FOCAD: variants seen among roughly 807,000 people sequenced by gnomAD.
The protein encoded by FOCAD is KIAA1797.
In FOCAD, 198 loss-of-function variants were observed where a neutral mutation model predicts 225.6. That is an observed-to-expected ratio of 0.88 (90% confidence interval 0.78 to 0.99). FOCAD has a LOEUF of 0.99. Among genes scored for constraint, FOCAD ranks in the 50% least tolerant of loss-of-function variants. The probability of loss-of-function intolerance (pLI) is 0.00; values close to 1 mark genes in which losing one functional copy is unlikely to be tolerated. For synonymous variants in FOCAD, 897 were observed against 755.0 expected (o/e 1.19, Z -3.08); for missense variants, 2,713 against 2,123.6 (o/e 1.28, Z -5.46).
chr9:20,839,985 T>G (rs1455983102), intron 15 of FOCAD, among the ~76,000 whole-genome samples: 1 of 152,158 alleles, frequency 6.6e-6, no homozygotes, highest in Admixed American at 6.6e-5. Context: ...TATGGATTTA[T>G]GTCTGGCTAC....
In FOCAD at chr9:20,882,062, G is replaced by A; in HGVS notation, c.2503+6G>A. The A allele has an allele frequency of 1.9e-6, 3 of 1,600,806 alleles. No homozygotes were observed. Among genetic ancestry groups the A allele is most frequent in the Non-Finnish European group, 2.6e-6 (3 of 1,175,384 alleles). On this transcript the variant is annotated splice_donor_region_variant and intron_variant, in intron 20 of 43. Coordinates refer to ENST00000338382, the MANE Select transcript of FOCAD (RefSeq NM_001375567.1). Reference sequence around the variant, plus strand: ...ACTGAAACCTGGCCTTGCAGGTAAGGGTAGTACATAGTATCAAAAATACAG... The same window carrying A: ...ACTGAAACCTGGCCTTGCAGGTAAGAGTAGTACATAGTATCAAAAATACAG...
chr9:20,896,947 A>T (rs555508970), intron 21 of FOCAD: 1 of 151,738 alleles, frequency 6.6e-6, no homozygotes. Context: ...CTGTGTCTTT[A>T]CTGCTTTTCT....
intron 35 of FOCAD, among the ~76,000 whole-genome samples, chr9:20,974,805 C>G (rs934431948): frequency 1.3e-5 from 2 of 151,454 alleles, no homozygotes; most frequent in African/African-American, 4.9e-5. Context: ...TCTCCTTTTT[C>G]CTGTGCTTCT....
intron 4 of FOCAD, among the ~76,000 whole-genome samples, chr9:20,722,042 C>T (rs1256992808): frequency 7.7e-6 from 1 of 129,366 alleles, no homozygotes; most frequent in African/African-American, 3.0e-5. Context: ...CTCCCTCTCT[C>T]TCTCTTTCTC....
intron 11 of FOCAD, 85 bp downstream of exon 11, chr9:20,789,693 G>T: frequency 2.0e-6 from 3 of 1,498,748 alleles, no homozygotes; most frequent in Non-Finnish European, 2.7e-6. Context: ...TGGATTATTT[G>T]CATCAGAGTT....
intron 4 of FOCAD, among the ~76,000 whole-genome samples, chr9:20,728,071 T>C (rs533549093): frequency 6.6e-6 from 1 of 152,336 alleles, no homozygotes; most frequent in South Asian, 2.1e-4. Context: ...TTATGCCATA[T>C]TAACCTAGCA....
upstream of FOCAD, among the ~76,000 whole-genome samples, chr9:20,656,822 G>A (rs1821495242): frequency 6.6e-6 from 1 of 152,132 alleles, no homozygotes. Context: ...CTGTCATTAT[G>A]ATGTTAGGTG....
chr9:20,693,355 C>A (rs1465228848), intron 1 of FOCAD, among the ~76,000 whole-genome samples: 1 of 152,142 alleles, frequency 6.6e-6, no homozygotes, highest in Admixed American at 6.6e-5. Context: ...CCTGACCATC[C>A]TTTTAAAAAT....
At chr9:20,858,367 T>A (rs1461717672) in intron 15 of FOCAD, among the ~76,000 whole-genome samples, 4 of 152,178 alleles carry the variant, frequency 2.6e-5, no homozygotes, top group Non-Finnish European at 5.9e-5. Flanking sequence ...GGTTTTCCAA[T>A]TTATTGTCGA....
intron 5 of FOCAD, among the ~76,000 whole-genome samples, chr9:20,754,831 G>C (rs936027915): frequency 1.6e-4 from 25 of 152,120 alleles, no homozygotes; most frequent in African/African-American, 5.8e-4. Context: ...GTAGTGGTAA[G>C]ACTGAGAAAC....
chr9:20,848,389 G>A (rs1003182021), intron 15 of FOCAD, among the ~76,000 whole-genome samples: 5 of 152,004 alleles, frequency 3.3e-5, no homozygotes, highest in African/African-American at 9.7e-5. Flanking sequence ...AGTCAATAAC[G>A]TAGGTCAGGT....
intron 1 of FOCAD, among the ~76,000 whole-genome samples, chr9:20,686,243 G>A (rs1384789029): frequency 1.3e-5 from 2 of 152,118 alleles, no homozygotes; most frequent in Non-Finnish European, 2.9e-5. Flanking sequence ...TGCAACCTCC[G>A]CCTCCCAGGT....
intron 17 of FOCAD, 74 bp downstream of exon 17, chr9:20,866,050 C>A: frequency 2.4e-6 from 3 of 1,266,792 alleles, no homozygotes; most frequent in South Asian, 1.4e-5. Context: ...AAATAAGACT[C>A]TTAGGATAAA....
At chr9:20,825,095 A>G (rs1455396825) in intron 15 of FOCAD, among the ~76,000 whole-genome samples, 1 of 150,602 alleles carries the variant, frequency 6.6e-6, no homozygotes, top group Non-Finnish European at 1.5e-5. Flanking sequence ...TTGAGGCTTG[A>G]TGATGGTAGT....
intron 15 of FOCAD, among the ~76,000 whole-genome samples, chr9:20,844,429 C>T (rs143516164): frequency 0.013 from 1,616 of 122,702 alleles, 29 homozygotes; most frequent in African/African-American, 0.047. Flanking sequence ...GGTGTGATCT[C>T]GGCTCACTGC....
intron 4 of FOCAD, among the ~76,000 whole-genome samples, chr9:20,735,160 A>G (rs1438289986): frequency 6.6e-6 from 1 of 151,776 alleles, no homozygotes; most frequent in African/African-American, 2.4e-5. Context: ...CTATTTTATG[A>G]TCTGCTTTAT....
intron 15 of FOCAD, among the ~76,000 whole-genome samples, chr9:20,827,460 C>T (rs1825017333): frequency 6.6e-6 from 1 of 151,866 alleles, no homozygotes; most frequent in South Asian, 2.1e-4. Context: ...GGACATTTGC[C>T]ACTAACAGAC....
chr9:20,760,553 A>C (rs1829494819), intron 6 of FOCAD, among the ~76,000 whole-genome samples: 1 of 151,828 alleles, frequency 6.6e-6, no homozygotes, highest in African/African-American at 2.4e-5. Flanking sequence ...TATCTACTGT[A>C]CTCTCTTGAA....
At chr9:20,919,312 A>G (rs984143079) in intron 24 of FOCAD, among the ~76,000 whole-genome samples, 4 of 152,246 alleles carry the variant, frequency 2.6e-5, no homozygotes, top group Non-Finnish European at 5.9e-5. Flanking sequence ...ATGAAATAAA[A>G]GACGATACAA....
Sources: allele counts gnomAD v4.1 joint callset (sites outside exome capture counted in the v4.1 genomes callset), GRCh38; gene constraint gnomAD v4.1.1; transcripts MANE v1.5; gene names NCBI Gene and HGNC (gene_info 2026-07-23, HGNC 2026-07-21).